TEX14: variants seen among roughly 807,000 people sequenced by gnomAD.
TEX14 encodes the protein inactive serine/threonine-protein kinase TEX14.
TEX14 carries 168 observed loss-of-function variants against 178.6 expected under a neutral mutation model. The observed-to-expected ratio is 0.94, with a 90% confidence interval of 0.83 to 1.07. TEX14 has a LOEUF of 1.07. Ranked by LOEUF, TEX14 falls within the 50% of genes least tolerant of loss-of-function variation. TEX14 has a pLI of 0.00. For synonymous variants in TEX14, 626 were observed against 634.1 expected (o/e 0.99, Z 0.19); for missense variants, 1,730 against 1,753.6 (o/e 0.99, Z 0.24).
intron 1 of TEX14, among the ~76,000 whole-genome samples, chr17:58,659,057 A>G (rs2047031844): frequency 6.7e-6 from 1 of 149,468 alleles, no homozygotes; most frequent in Non-Finnish European, 1.5e-5. Flanking sequence ...CATAACCACA[A>G]CTCCAAAACC....
chr17:58,626,743 C>A (rs1041842124), intron 3 of TEX14, among the ~76,000 whole-genome samples: 2 of 151,672 alleles, frequency 1.3e-5, no homozygotes, highest in Non-Finnish European at 2.9e-5. Context: ...TGGTGGCACG[C>A]GCCTGTAGTC....
chr17:58,626,942 CT>C (rs1393392076), intron 3 of TEX14, among the ~76,000 whole-genome samples: 2 of 152,146 alleles, frequency 1.3e-5, no homozygotes, highest in African/African-American at 2.4e-5. Flanking sequence ...TTTTTAAAAA[CT>C]TTTTTTCCCG....
intron 1 of TEX14, among the ~76,000 whole-genome samples, chr17:58,663,023 G>A (rs777166116): frequency 3.3e-5 from 5 of 151,476 alleles, no homozygotes; most frequent in East Asian, 1.9e-4. Context: ...GCAGGAGAAC[G>A]GTGTGAACCC....
intron 21 of TEX14, among the ~76,000 whole-genome samples, chr17:58,575,776 C>T (rs773713863): frequency 1.3e-4 from 20 of 152,174 alleles, no homozygotes; most frequent in Non-Finnish European, 2.8e-4. Flanking sequence ...TCCTGGCCAA[C>T]CCATGAGCCA....
At position 58,598,269 on chromosome 17, in the gene TEX14, A is replaced by G. The variant is rs143576675; in HGVS notation, c.2469+607T>C. On this transcript the variant is annotated intron_variant, in intron 14 of 31. Coordinates refer to ENST00000349033, the MANE Select transcript of TEX14 (RefSeq NM_031272.5). ...GTGGAGGTTGTGGTGAGCCAAGATCACGCCACTGCACTCCAGCCTGGGCAA... is the reference window on the plus strand; with the variant it reads ...GTGGAGGTTGTGGTGAGCCAAGATCGCGCCACTGCACTCCAGCCTGGGCAA... 5.7e-3 allele frequency among the ~76,000 whole-genome samples: 858 copies of G among 150,784 alleles called. 5 individuals carry two copies. Among genetic ancestry groups the G allele is most frequent in the African/African-American group, 9.1e-3 (371 of 40,958 alleles).
intron 29 of TEX14, among the ~76,000 whole-genome samples, chr17:58,561,248 CAT>C (rs1243181476): frequency 2.6e-5 from 4 of 152,188 alleles, no homozygotes; most frequent in African/African-American, 7.2e-5. Flanking sequence ...ATTTAATTCA[CAT>C]GACTGATGAA....
intron 1 of TEX14, among the ~76,000 whole-genome samples, chr17:58,681,197 T>G (rs1002432961): frequency 7.9e-5 from 12 of 152,246 alleles, no homozygotes; most frequent in Admixed American, 2.6e-4. Flanking sequence ...GAACCCAGGC[T>G]GCAGTGAGCC....
At position 58,601,917 on chromosome 17, in the gene TEX14, G is replaced by A. The variant is rs764314176; in HGVS notation, c.1567C>T (p.Pro523Ser). 3.1e-6 allele frequency: 5 copies of A among 1,613,326 alleles called. No individual in the cohort carries two copies. In the South Asian group the frequency reaches 3.3e-5, roughly 11 times the overall value. ...TGGAGTCCGTATCTCTGCACTCTGG[G>A]GCTCTCGGTTGGTTGAGTTCTCTGG... ...GAQRTQPTES[P>S]RVQRYGLHPD... Residue 523 changes from proline (P) to serine (S), a missense_variant, in exon 13 of 32, where the codon CCC becomes TCC. This residue lies in a region of TEX14 where 789 missense variants were observed against 681.2 expected (regional missense o/e 1.16). Coordinates refer to ENST00000349033, the MANE Select transcript of TEX14 (RefSeq NM_031272.5).
intron 7 of TEX14, among the ~76,000 whole-genome samples, chr17:58,615,560 C>T (rs1032546592): frequency 2.0e-5 from 3 of 151,844 alleles, no homozygotes; most frequent in African/African-American, 7.2e-5. Context: ...TCACTGAATG[C>T]AAGGGAGAGA....
chr17:58,627,873 G>A (rs928227943), intron 3 of TEX14, among the ~76,000 whole-genome samples: 4 of 149,518 alleles, frequency 2.7e-5, no homozygotes, highest in South Asian at 2.1e-4. Flanking sequence ...CCTACAACAC[G>A]GGTATATGCA....
At chr17:58,690,776 T>A (rs562183739) in intron 1 of TEX14, among the ~76,000 whole-genome samples, 2 of 152,196 alleles carry the variant, frequency 1.3e-5, no homozygotes, top group African/African-American at 4.8e-5. Context: ...GCTTCTCGTA[T>A]TCTCCCCGCC....
chr17:58,630,399 C>CTAGAAA, intron 3 of TEX14, 41 bp downstream of exon 3: 1 of 1,433,242 alleles, frequency 7.0e-7, no homozygotes, highest in African/African-American at 1.4e-5. Flanking sequence ...ATCTTAACAG[C>CTAGAAA]ACAACCCCTA....
intron 5 of TEX14, 106 bp from the exon 6 acceptor site, chr17:58,617,725 T>C: frequency 2.8e-6 from 2 of 714,232 alleles, no homozygotes; most frequent in Non-Finnish European, 4.6e-6. Flanking sequence ...TTGTCTTTAC[T>C]GCTAGACTTT....
intron 1 of TEX14, among the ~76,000 whole-genome samples, chr17:58,669,373 C>A (rs2047265772): frequency 6.8e-6 from 1 of 147,828 alleles, no homozygotes; most frequent in Non-Finnish European, 1.5e-5. Context: ...AAAAAAAAAA[C>A]AGGAGGGGGT....
intron 1 of TEX14, chr17:58,677,529 CACAG>C (rs1175885850): frequency 2.6e-5 from 4 of 152,212 alleles, no homozygotes; most frequent in African/African-American, 7.2e-5. Context: ...CAAACACGGC[CACAG>C]ACAATCACAT....
At chr17:58,656,642 T>C (rs2046968911) in intron 1 of TEX14, among the ~76,000 whole-genome samples, 1 of 150,808 alleles carries the variant, frequency 6.6e-6, no homozygotes, top group Admixed American at 6.7e-5. Context: ...TAATCCCAGC[T>C]ACTCAGGAGG....
At chr17:58,566,612 A>G (rs998225983) in intron 26 of TEX14, among the ~76,000 whole-genome samples, 1 of 151,886 alleles carries the variant, frequency 6.6e-6, no homozygotes, top group African/African-American at 2.4e-5. Flanking sequence ...CAGCCTGGCC[A>G]ACATAGTGAA....
chr17:58,664,112 T>C (rs953213212), intron 1 of TEX14, among the ~76,000 whole-genome samples: 6 of 152,202 alleles, frequency 3.9e-5, no homozygotes, highest in African/African-American at 1.4e-4. Flanking sequence ...TTTAGGACAA[T>C]TGCTGGATTA....
At chr17:58,589,149 A>C (rs776330991) in intron 15 of TEX14, among the ~76,000 whole-genome samples, 1 of 151,574 alleles carries the variant, frequency 6.6e-6, no homozygotes, top group African/African-American at 2.4e-5. Context: ...TGTAATACCA[A>C]CTACTCAGGT....
Sources: allele counts gnomAD v4.1 joint callset (sites outside exome capture counted in the v4.1 genomes callset), GRCh38; gene constraint gnomAD v4.1.1; regional missense constraint gnomAD v4.1.1; transcripts MANE v1.5; gene names NCBI Gene and HGNC (gene_info 2026-07-23, HGNC 2026-07-21).